UNC13C: variants seen among roughly 807,000 people sequenced by gnomAD.
UNC13C encodes protein unc-13 homolog C.
In UNC13C, 174 loss-of-function variants were observed where a neutral mutation model predicts 245.4. The observed-to-expected ratio is 0.71, with a 90% CI of 0.63 to 0.80. The LOEUF (loss-of-function observed/expected upper bound fraction) is 0.80, where lower values mean the gene tolerates loss of function less well. Among genes scored for constraint, UNC13C ranks in the 30% least tolerant of loss-of-function variants. The pLI, the probability that UNC13C is intolerant of heterozygous loss-of-function variation, is 0.00. For synonymous variants in UNC13C, 992 were observed against 895.1 expected, an observed-to-expected ratio of 1.11 and a Z score of -1.93; for missense variants, 2,829 against 2,602.9, an observed-to-expected ratio of 1.09 and a Z score of -1.89.
At chr15:54,614,357 G>A (rs886448967) in intron 30 of UNC13C, among the ~76,000 whole-genome samples, 2 of 151,740 alleles carry the variant, frequency 1.3e-5, no homozygotes, top group African/African-American at 2.4e-5. Context: ...GCAAATTTTC[G>A]ACTCTATAGG....
chr15:53,976,259 T>C (rs1893690913), upstream of UNC13C, among the ~76,000 whole-genome samples: 1 of 152,178 alleles, frequency 6.6e-6, no homozygotes, highest in South Asian at 2.1e-4. Context: ...AGAATCCTGA[T>C]TATTAGAGCT....
the UNC13C span, among the ~76,000 whole-genome samples, chr15:53,944,484 C>T: frequency 2.0e-5 from 3 of 152,086 alleles, no homozygotes; most frequent in Admixed American, 6.6e-5. Flanking sequence ...TCATTTAGCT[C>T]CCACTTACAA....
chr15:54,609,371 A>T (rs892915974), intron 30 of UNC13C: 1 of 152,186 alleles, frequency 6.6e-6, no homozygotes, highest in African/African-American at 2.4e-5. Flanking sequence ...TCACAAATTC[A>T]GCAATTTGTT....
chr15:54,141,904 T>C (rs984329378), intron 2 of UNC13C, among the ~76,000 whole-genome samples: 1 of 152,166 alleles, frequency 6.6e-6, no homozygotes, highest in Non-Finnish European at 1.5e-5. Flanking sequence ...AGAGAAGTAA[T>C]GCATTTCAGA....
Position 54,013,846 on chromosome 15 carries a change from A to G in UNC13C, c.943A>G (p.Met315Val). Residue 315 changes from methionine to valine, a missense_variant, in exon 2 of 33, where the codon ATG (methionine) becomes GTG (valine). Transcript: ENST00000260323. Reference sequence around the variant, plus strand: ...TGATTATATTAAGCACTTAGGTCATATGGGTAGCAAGGCAAGCCTGAGATT... The same window carrying G: ...TGATTATATTAAGCACTTAGGTCATGTGGGTAGCAAGGCAAGCCTGAGATT... ...IHDYIKHLGH[M>V]GSKASLRFLN... 4 of 1,613,554 alleles carry G rather than the reference A, an allele frequency of 2.5e-6. No homozygotes were observed. The highest frequency in any genetic ancestry group is 3.4e-6 in the Non-Finnish European group (4 of 1,179,706).
chr15:54,125,491 T>C (rs1387683672), intron 2 of UNC13C, among the ~76,000 whole-genome samples: 2 of 152,046 alleles, frequency 1.3e-5, no homozygotes, highest in African/African-American at 4.8e-5. Context: ...TAATTCTAGG[T>C]TTTGGTAAAA....
At chr15:54,040,363 G>A (rs772310720) in intron 2 of UNC13C, among the ~76,000 whole-genome samples, 13 of 152,100 alleles carry the variant, frequency 8.5e-5, no homozygotes, top group African/African-American at 1.4e-4. Flanking sequence ...GCTACTTAAG[G>A]TGTGGTCTGT....
chr15:54,237,695 G>T lies in UNC13C; in HGVS notation c.3228+5G>T, dbSNP rs578173493. On this transcript the variant is annotated splice_donor_5th_base_variant and intron_variant, in intron 7 of 32. Coordinates refer to ENST00000260323, the MANE Select transcript of UNC13C (RefSeq NM_001080534.3). ...TCCCTAAATAATGAGGAACTGGTAA[G>T]TACTAGATATTGCTCATAATATCTA... 29 of 1,603,706 alleles carry T rather than the reference G, an allele frequency of 1.8e-5. 1 individual carries two copies. In the East Asian group the frequency reaches 2.2e-4, roughly 12 times the overall value.
chr15:53,871,626 G>C, the UNC13C span, among the ~76,000 whole-genome samples: 1 of 152,134 alleles, frequency 6.6e-6, no homozygotes, highest in African/African-American at 2.4e-5. Flanking sequence ...TTGCATGAGC[G>C]AATAAATGAA....
intron 2 of UNC13C, among the ~76,000 whole-genome samples, chr15:54,118,624 G>C (rs2030443305): frequency 6.6e-6 from 1 of 152,068 alleles, no homozygotes; most frequent in Non-Finnish European, 1.5e-5. Context: ...CTTCCAGTTT[G>C]AATGTCCTTT....
chr15:54,408,517 C>T (rs1029698200), intron 18 of UNC13C, among the ~76,000 whole-genome samples: 8 of 152,122 alleles, frequency 5.3e-5, no homozygotes, highest in Admixed American at 1.3e-4. Flanking sequence ...AAAGAACTCA[C>T]GTATATAGTA....
chr15:53,857,412 A>G, the UNC13C span, among the ~76,000 whole-genome samples: 1 of 152,214 alleles, frequency 6.6e-6, no homozygotes, highest in Non-Finnish European at 1.5e-5. Flanking sequence ...ACAAGGCAGA[A>G]CACAAATAGC....
intron 30 of UNC13C, among the ~76,000 whole-genome samples, chr15:54,572,253 CT>C (rs1278840334): frequency 6.6e-6 from 1 of 152,040 alleles, no homozygotes; most frequent in African/African-American, 2.4e-5. Flanking sequence ...TTCCCTATTA[CT>C]TGGGCTTTTT....
chr15:54,260,637 A>G (rs149670185), intron 8 of UNC13C, among the ~76,000 whole-genome samples: 2,279 of 148,080 alleles, frequency 0.015, 37 homozygotes, highest in Admixed American at 0.052. Context: ...ACACACCTGT[A>G]GTTTTCAGTT....
chr15:54,129,367 A>T (rs1157341435), intron 2 of UNC13C, among the ~76,000 whole-genome samples: 1 of 152,206 alleles, frequency 6.6e-6, no homozygotes, highest in African/African-American at 2.4e-5. Flanking sequence ...TGATTTCAGT[A>T]TCAAGCTTAT....
intron 5 of UNC13C, among the ~76,000 whole-genome samples, chr15:54,235,504 T>C (rs1015459549): frequency 1.3e-5 from 2 of 152,200 alleles, no homozygotes; most frequent in Admixed American, 6.5e-5. Context: ...CTGAATACTT[T>C]ATACAGCAAG....
chr15:54,121,988 T>C (rs1167523700), intron 2 of UNC13C, among the ~76,000 whole-genome samples: 1 of 152,074 alleles, frequency 6.6e-6, no homozygotes, highest in East Asian at 1.9e-4. Flanking sequence ...GTTGATCTTA[T>C]ATGGAGTGAA....
chr15:54,063,143 G>C (rs1897029), intron 2 of UNC13C, among the ~76,000 whole-genome samples: 139,142 of 152,218 alleles, frequency 0.91, 64,368 homozygotes, highest in Non-Finnish European at 0.99. Flanking sequence ...GAAATTTCAC[G>C]AATTAGAGCT....
In UNC13C at chr15:54,494,500, T is replaced by C. The variant is rs1014747170; in HGVS notation, c.4934-108T>C. The C allele has an allele frequency of 1.8e-5, 19 of 1,077,322 alleles. No individual in the cohort carries two copies. In the African/African-American group the frequency reaches 3.1e-4, roughly 18 times the overall value. The allele number at this position is 1,077,322 out of a possible 1,614,324, so 66.7% of individuals were successfully genotyped here. A position where few individuals can be genotyped will look rare whatever the true frequency, so the allele number is the denominator to read the frequency against. On this transcript the variant is annotated intron_variant, in intron 19 of 32. Coordinates refer to ENST00000260323, the MANE Select transcript of UNC13C (RefSeq NM_001080534.3). ...CAATTCATTATACCTTTACATCTAA[T>C]ATACTATTTTCTTCCTTTTAGAAAT...
Sources: gnomAD v4.1 joint callset for allele counts (sites outside exome capture counted in the v4.1 genomes callset) on GRCh38, gnomAD v4.1.1 for gene constraint, MANE v1.5 for transcripts, NCBI Gene and HGNC (gene_info 2026-07-23, HGNC 2026-07-21) for gene names.